KLHL20: variants seen among roughly 807,000 people sequenced by gnomAD.
KLHL20 encodes kelch-like protein 20.
A neutral mutation model predicts 69.5 loss-of-function variants in KLHL20; 29 were observed. That is an observed-to-expected ratio of 0.42 (90% confidence interval 0.31 to 0.57). The LOEUF (loss-of-function observed/expected upper bound fraction) is 0.57. Among genes scored for constraint, KLHL20 ranks in the 20% least tolerant of loss-of-function variants. KLHL20 has a pLI of 0.18. For synonymous variants in KLHL20, 253 were observed against 265.2 expected (o/e 0.95, Z 0.45); for missense variants, 419 against 776.0 (o/e 0.54, Z 5.47).
intron 3 of KLHL20, among the ~76,000 whole-genome samples, chr1:173,745,149 A>G (rs192463292): frequency 3.8e-4 from 56 of 148,768 alleles, no homozygotes; most frequent in African/African-American, 1.3e-3. Context: ...TATTCATCTA[A>G]CTTTTATACA....
In KLHL20 at chr1:173,733,590, AT is replaced by A. The variant is rs1672383504; in HGVS notation, c.24-120del. 3.2e-5 allele frequency: 29 copies of A among 905,188 alleles called. No individual in the cohort carries two copies. The African/African-American group carries it at 4.1e-4, about 13-fold the overall frequency. The allele number at this position is 905,188 out of a possible 1,614,324, so 56.1% of individuals were successfully genotyped here. On this transcript the variant is annotated intron_variant, in intron 2 of 11. Transcript: ENST00000209884. ...CAGTGAGACATCATCTCTACAAAAA[AT>A]TTAAAAAAAAAATCACCAAGCTAAT...
intron 7 of KLHL20, among the ~76,000 whole-genome samples, chr1:173,763,866 T>TAAAAAAAA (rs60028962): frequency 8.4e-6 from 1 of 119,518 alleles, no homozygotes. Flanking sequence ...GCAAATGCAA[T>TAAAAAAAA]AAAAAAAAAA....
chr1:173,751,661 G>A, intron 3 of KLHL20, 103 bp from the exon 4 acceptor site: 4 of 1,072,228 alleles, frequency 3.7e-6, no homozygotes, highest in Non-Finnish European at 5.3e-6. Flanking sequence ...TGAAACTTCA[G>A]CGCATTGTAG....
At chr1:173,717,204 C>T (rs1020138253) in intron 2 of KLHL20, among the ~76,000 whole-genome samples, 27 of 152,142 alleles carry the variant, frequency 1.8e-4, no homozygotes, top group Non-Finnish European at 3.5e-4. Context: ...CATAAAATGT[C>T]ATATCTTATA....
At chr1:173,748,580 C>A (rs549699218) in intron 3 of KLHL20, among the ~76,000 whole-genome samples, 2 of 152,132 alleles carry the variant, frequency 1.3e-5, no homozygotes, top group Admixed American at 1.3e-4. Flanking sequence ...TTTTCAAATA[C>A]CAAATCCACT....
In KLHL20 at chr1:173,716,093, G is replaced by A. The variant is rs774789701; in HGVS notation, c.23+27G>A. ...TAGGCATTTAGGAAGAAAACCTTTG[G>A]TTTCACTGATTAAAATTCAGCATGT... On this transcript the variant is annotated intron_variant, in intron 2 of 11. Transcript: ENST00000209884. 9.3e-6 allele frequency: 15 copies of A among 1,609,454 alleles called. No individual in the cohort carries two copies. In the Admixed American group the frequency reaches 2.5e-4, roughly 27 times the overall value.
intron 3 of KLHL20, chr1:173,741,944 CA>C (rs1229944408): frequency 2.2e-6 from 2 of 925,786 alleles, no homozygotes; most frequent in Non-Finnish European, 3.4e-6. Flanking sequence ...CACTCTGAAT[CA>C]AGATAAGTGG....
intron 2 of KLHL20, among the ~76,000 whole-genome samples, chr1:173,733,371 G>A (rs919782693): frequency 5.3e-5 from 8 of 152,078 alleles, no homozygotes; most frequent in African/African-American, 1.2e-4. Flanking sequence ...TAATTGAAGC[G>A]TGTTAACTTG....
At chr1:173,741,252 A>G (rs1211490764) in intron 3 of KLHL20, among the ~76,000 whole-genome samples, 1 of 152,180 alleles carries the variant, frequency 6.6e-6, no homozygotes, top group Non-Finnish European at 1.5e-5. Flanking sequence ...TTCTTGGAGT[A>G]AAAGTTCACA....
intron 4 of KLHL20, among the ~76,000 whole-genome samples, chr1:173,752,573 C>G (rs759210741): frequency 1.3e-5 from 2 of 152,150 alleles, no homozygotes; most frequent in Non-Finnish European, 2.9e-5. Context: ...ACCACACTTT[C>G]AAGAGTAAAG....
Position 173,775,639 on chromosome 1 carries a change from C to A in KLHL20, c.1435C>A (p.Arg479Ser). The A allele has an allele frequency of 6.2e-7, 1 of 1,613,798 alleles. No homozygotes were observed. The highest frequency in any genetic ancestry group is 8.5e-7 in the Non-Finnish European group (1 of 1,179,808). The change falls in exon 10 of 12, where the codon CGT becomes AGT. Residue 479 changes from arginine to serine, a missense_variant. Coordinates refer to ENST00000209884, the MANE Select transcript of KLHL20 (RefSeq NM_014458.4). Reference protein sequence around the residue: ...DGTSPLNTVERYNPQENRWHT... With the variant: ...DGTSPLNTVESYNPQENRWHT... ...GGTTTTTCTTTTCCCTACAGTGGAA[C>A]GTTACAATCCTCAGGAAAACAGATG...
intron 3 of KLHL20, among the ~76,000 whole-genome samples, chr1:173,742,667 G>GTA (rs760045625): frequency 3.6e-4 from 54 of 150,114 alleles, no homozygotes; most frequent in East Asian, 7.8e-4. Context: ...ACACGTATGT[G>GTA]TATATATATG....
At chr1:173,761,811 C>T (rs1647325006) in intron 7 of KLHL20, among the ~76,000 whole-genome samples, 2 of 151,922 alleles carry the variant, frequency 1.3e-5, no homozygotes, top group African/African-American at 4.8e-5. Flanking sequence ...CAGGTCACAC[C>T]TCAAGGAACT....
intron 2 of KLHL20, among the ~76,000 whole-genome samples, chr1:173,724,062 G>GTA (rs1403774817): frequency 1.3e-5 from 2 of 151,982 alleles, no homozygotes; most frequent in Non-Finnish European, 2.9e-5. Flanking sequence ...TTGGGCATAT[G>GTA]TATATACCCA....
intron 3 of KLHL20, among the ~76,000 whole-genome samples, chr1:173,737,818 C>T (rs1305641048): frequency 6.6e-6 from 1 of 152,150 alleles, no homozygotes; most frequent in East Asian, 1.9e-4. Flanking sequence ...GACATTTTCA[C>T]AATATTGATT....
intron 1 of KLHL20, 87 bp downstream of exon 1, chr1:173,715,165 C>A (rs1671407921): frequency 6.6e-6 from 1 of 152,386 alleles, no homozygotes; most frequent in African/African-American, 2.4e-5. Context: ...AGTTGCTGAG[C>A]TGCCCCATGG....
intron 2 of KLHL20, among the ~76,000 whole-genome samples, chr1:173,727,035 C>G (rs1001665311): frequency 6.6e-6 from 1 of 152,028 alleles, no homozygotes; most frequent in Non-Finnish European, 1.5e-5. Context: ...ACAATAACCA[C>G]GCAGAGAAGT....
rs745764816 is a variant in KLHL20, at chr1:173,775,690, C to G, written c.1486C>G (p.Arg496Gly). 2 of 1,614,144 alleles carry G rather than the reference C, an allele frequency of 1.2e-6. No individual in the cohort carries two copies. Among genetic ancestry groups the G allele is most frequent in the South Asian group, 1.1e-5 (1 of 91,076 alleles). ...GCACACTATAGCCCCTATGGGGACCCGGAGGAAACACCTAGGCTGTGCAGT... is the reference window on the plus strand; with the variant it reads ...GCACACTATAGCCCCTATGGGGACCGGGAGGAAACACCTAGGCTGTGCAGT... ...RWHTIAPMGT[R>G]RKHLGCAVYQ... Residue 496 changes from arginine (R) to glycine (G), a missense_variant, in exon 10 of 12, where the codon CGG (arginine) becomes GGG (glycine). Coordinates refer to ENST00000209884, the MANE Select transcript of KLHL20 (RefSeq NM_014458.4).
chr1:173,723,934 C>G (rs1671828890), intron 2 of KLHL20, among the ~76,000 whole-genome samples: 1 of 152,058 alleles, frequency 6.6e-6, no homozygotes, highest in Non-Finnish European at 1.5e-5. Context: ...CTGTGAGATC[C>G]AGAATCTTTC....
Sources: allele counts gnomAD v4.1 joint callset (sites outside exome capture counted in the v4.1 genomes callset), GRCh38; gene constraint gnomAD v4.1.1; transcripts MANE v1.5; gene names NCBI Gene and HGNC (gene_info 2026-07-23, HGNC 2026-07-21).